RASGRP3: variants seen among roughly 807,000 people sequenced by gnomAD.
RASGRP3 encodes the protein ras guanyl-releasing protein 3.
A neutral mutation model predicts 82.7 loss-of-function variants in RASGRP3; 54 were observed. The ratio of observed to expected loss-of-function variants is 0.65; its 90% CI spans 0.52 to 0.82. The LOEUF is 0.82. Ranked by LOEUF, RASGRP3 falls within the 40% of genes least tolerant of loss-of-function variation. RASGRP3 has a pLI of 0.00. For synonymous variants in RASGRP3, 309 were observed against 300.5 expected (o/e 1.03, Z -0.29); for missense variants, 861 against 828.9 (o/e 1.04, Z -0.48).
intron 1 of RASGRP3, among the ~76,000 whole-genome samples, chr2:33,507,608 C>T (rs1670510040): frequency 1.3e-5 from 2 of 152,208 alleles, no homozygotes; most frequent in Non-Finnish European, 2.9e-5. Flanking sequence ...TCCCTGCAAC[C>T]TCCACCTCCC....
chr2:33,490,720 C>T (rs575500250), intron 1 of RASGRP3, among the ~76,000 whole-genome samples: 28 of 152,302 alleles, frequency 1.8e-4, no homozygotes, highest in South Asian at 1.2e-3. Flanking sequence ...ATTGCCATGG[C>T]GCTAAATGCT....
intron 1 of RASGRP3, among the ~76,000 whole-genome samples, chr2:33,508,724 A>G (rs116035434): frequency 5.4e-4 from 82 of 152,282 alleles, no homozygotes; most frequent in Non-Finnish European, 9.0e-4. Flanking sequence ...TATCAGGATT[A>G]TTTCTGTCAA....
intron 1 of RASGRP3, among the ~76,000 whole-genome samples, chr2:33,438,492 G>A (rs1665044184): frequency 6.6e-6 from 1 of 151,824 alleles, no homozygotes; most frequent in South Asian, 2.1e-4. Context: ...AACCCAGGAG[G>A]TGGAGGTTGC....
intron 1 of RASGRP3, among the ~76,000 whole-genome samples, chr2:33,504,002 A>G (rs1670121317): frequency 6.6e-6 from 1 of 152,208 alleles, no homozygotes. Flanking sequence ...TCAGAACTCA[A>G]TATATCCCTA....
At chr2:33,540,584 G>C (rs1674194347) in intron 12 of RASGRP3, among the ~76,000 whole-genome samples, 2 of 111,634 alleles carry the variant, frequency 1.8e-5, no homozygotes, top group Middle Eastern at 0.011. Flanking sequence ...GTGTGTGTGT[G>C]TGTGTGTGTG....
In RASGRP3 at chr2:33,524,428, G is replaced by A. The variant is rs200140597; in HGVS notation, c.691-4G>A. 63 of 1,557,272 alleles carry A rather than the reference G, an allele frequency of 4.0e-5. No individual in the cohort carries two copies. Among genetic ancestry groups the A allele is most frequent in the African/African-American group, 2.7e-5 (2 of 73,250 alleles). ...TAAAAAGCATTGATGCATTTTTATT[G>A]CAGAAGCTCCTTCAGCTCAAAAATT... is the stretch of plus-strand genomic sequence containing the variant. On this transcript the variant is annotated splice_polypyrimidine_tract_variant and splice_region_variant and intron_variant, in intron 8 of 17. Coordinates refer to ENST00000403687, the MANE Select transcript of RASGRP3 (RefSeq NM_001139488.2).
At chr2:33,545,998 C>G (rs575137736) in intron 13 of RASGRP3, among the ~76,000 whole-genome samples, 6 of 151,484 alleles carry the variant, frequency 4.0e-5, no homozygotes, top group East Asian at 2.0e-4. Flanking sequence ...TCAGTAGAAA[C>G]GAGGTTTCAT....
intron 1 of RASGRP3, chr2:33,492,914 T>G (rs1208127220): frequency 6.6e-6 from 1 of 152,228 alleles, no homozygotes; most frequent in East Asian, 1.9e-4. Flanking sequence ...GGAGCCTTGG[T>G]GCACCGAAGT....
chr2:33,447,602 A>AT (rs1468009547), intron 1 of RASGRP3, among the ~76,000 whole-genome samples: 1 of 151,928 alleles, frequency 6.6e-6, no homozygotes, highest in Non-Finnish European at 1.5e-5. Context: ...TGCCTGGCTA[A>AT]TTTTTTGTGT....
intron 12 of RASGRP3, among the ~76,000 whole-genome samples, chr2:33,540,612 AATTT>A (rs1674200836): frequency 1.9e-5 from 1 of 51,358 alleles, no homozygotes. Flanking sequence ...GTGTCTGGGG[AATTT>A]CTCTCTCTCT....
intron 9 of RASGRP3, among the ~76,000 whole-genome samples, chr2:33,525,661 G>A (rs1394628791): frequency 1.7e-5 from 2 of 118,836 alleles, no homozygotes; most frequent in Non-Finnish European, 3.2e-5. Flanking sequence ...CCAGGAGTTC[G>A]ACACCAGCCT....
rs773130349 is a variant in RASGRP3 at position 33,543,536 on chromosome 2, G to A, written c.1303G>A (p.Asp435Asn). 8 of 1,607,900 alleles carry A rather than the reference G, an allele frequency of 5.0e-6. No homozygotes were observed. The highest frequency in any genetic ancestry group is 6.0e-6 in the Non-Finnish European group (7 of 1,175,416). Residue 435 changes from aspartate to asparagine, a missense_variant, in exon 13 of 18, where the codon GAC (aspartate) becomes AAC (asparagine). By Grantham distance (23) the Asp-to-Asn change is conservative. Transcript: ENST00000403687. ...GTCTGTATTTAGAAACTATGATCAC[G>A]ACCATGATGGGTACATTTCCCAAGA... ...VESVFRNYDH[D>N]HDGYISQEDF...
chr2:33,448,662 G>A (rs889298966), intron 2 of RASGRP3, among the ~76,000 whole-genome samples: 14 of 152,040 alleles, frequency 9.2e-5, no homozygotes, highest in Non-Finnish European at 1.6e-4. Context: ...GGGGTGGGGG[G>A]AAAGGGAGAA....
intron 2 of RASGRP3, among the ~76,000 whole-genome samples, chr2:33,453,257 T>C (rs1213685248): frequency 6.6e-6 from 1 of 152,186 alleles, no homozygotes; most frequent in Non-Finnish European, 1.5e-5. Context: ...AACACACACA[T>C]TATCTACCTT....
rs370214673 is a variant in RASGRP3, at chr2:33,523,999, C to T, written c.637C>T (p.Pro213Ser). Residue 213 changes from proline (P) to serine (S), a missense_variant, in exon 8 of 18, where the codon CCA (proline) becomes TCA (serine). Transcript: ENST00000403687. ...GGTCCAGTTGATGGTTCTTAGCAAACCAACCCCCCAGCAAAGGGCAGAAGT... is the reference window on the plus strand; with the variant it reads ...GGTCCAGTTGATGGTTCTTAGCAAATCAACCCCCCAGCAAAGGGCAGAAGT... Reference protein sequence around the residue: ...KWVQLMVLSKPTPQQRAEVIT... With the variant: ...KWVQLMVLSKSTPQQRAEVIT... The T allele has an allele frequency of 9.9e-6, 16 of 1,613,878 alleles. 1 individual carries two copies. In the South Asian group the frequency reaches 1.6e-4, roughly 17 times the overall value.
intron 1 of RASGRP3, among the ~76,000 whole-genome samples, chr2:33,441,598 G>A (rs1026806106): frequency 2.6e-5 from 4 of 152,192 alleles, no homozygotes; most frequent in African/African-American, 7.2e-5. Context: ...TGGCCTGAAA[G>A]GCATTTTGAA....
intron 2 of RASGRP3, among the ~76,000 whole-genome samples, chr2:33,457,841 A>T (rs571267435): frequency 2.6e-5 from 4 of 152,150 alleles, no homozygotes; most frequent in African/African-American, 9.7e-5. Context: ...GAAAATGGTT[A>T]AAAAAAGTTT....
chr2:33,545,793 C>CTAT (rs34536252), intron 13 of RASGRP3, among the ~76,000 whole-genome samples: 8 of 150,670 alleles, frequency 5.3e-5, no homozygotes, highest in Non-Finnish European at 8.9e-5. Flanking sequence ...GTCAGAATGG[C>CTAT]TATTATTATT....
chr2:33,551,906 T>G (rs1314128040), intron 14 of RASGRP3, among the ~76,000 whole-genome samples: 1 of 152,052 alleles, frequency 6.6e-6, no homozygotes, highest in Non-Finnish European at 1.5e-5. Flanking sequence ...GGCAGGAGAA[T>G]GGCGTGAACC....
Sources: allele counts gnomAD v4.1 joint callset (sites outside exome capture counted in the v4.1 genomes callset), GRCh38; gene constraint gnomAD v4.1.1; transcripts MANE v1.5; gene names NCBI Gene and HGNC (gene_info 2026-07-23, HGNC 2026-07-21).